The following SPOCK3 variants were observed in gnomAD, a reference collection of about 807,000 sequenced individuals.
SPOCK3 encodes the protein testican-3.
A neutral mutation model predicts 56.6 loss-of-function variants in SPOCK3; 30 were observed. The ratio of observed to expected loss-of-function variants is 0.53; its 90% CI spans 0.40 to 0.72. The LOEUF (loss-of-function observed/expected upper bound fraction) is 0.72, where lower values mean the gene tolerates loss of function less well. Ranked by LOEUF, SPOCK3 falls within the 30% of genes least tolerant of loss-of-function variation. The pLI is 0.00. For missense variants in SPOCK3, 527 were observed against 530.0 expected (o/e 0.99, Z 0.06); for synonymous variants, 196 against 183.3 (o/e 1.07, Z -0.56).
At chr4:166,735,474 TATA>T (rs1734128519) in intron 10 of SPOCK3, among the ~76,000 whole-genome samples, 1 of 152,080 alleles carries the variant, frequency 6.6e-6, no homozygotes, top group Non-Finnish European at 1.5e-5. Context: ...CTCCAGAATC[TATA>T]ATGTTACCTT....
intron 2 of SPOCK3, among the ~76,000 whole-genome samples, chr4:167,192,970 ATAATCTTCT>A (rs1246352006): frequency 6.8e-6 from 1 of 146,058 alleles, no homozygotes; most frequent in Non-Finnish European, 1.5e-5. Flanking sequence ...GACACTTGAA[ATAATCTTCT>A]TAAATTTGTC....
In SPOCK3 at chr4:167,176,629, TGGG is replaced by T. The variant is rs1163349038; in HGVS notation, c.189+57353_189+57355del. Among the ~76,000 whole-genome samples, 146 of 152,246 alleles carry T rather than the reference TGGG, an allele frequency of 9.6e-4. 1 individual carries two copies. The highest frequency in any genetic ancestry group is 3.3e-3 in the African/African-American group (138 of 41,552). On this transcript the variant is annotated intron_variant, in intron 2 of 10. Transcript: ENST00000357545. Reference sequence around the variant, plus strand: ...AAGTGCTTCCATCTCTTTCAGTTCTTGGGTATCAATTCGCTATATCCCATTCAG... The same window carrying T: ...AAGTGCTTCCATCTCTTTCAGTTCTTTATCAATTCGCTATATCCCATTCAG...
chr4:166,774,561 C>G (rs1398146994), intron 7 of SPOCK3, among the ~76,000 whole-genome samples: 1 of 152,186 alleles, frequency 6.6e-6, no homozygotes, highest in African/African-American at 2.4e-5. Flanking sequence ...CTGTGGCATT[C>G]AAATCTGATC....
At chr4:166,858,263 C>T (rs1730891065) in intron 6 of SPOCK3, among the ~76,000 whole-genome samples, 1 of 152,178 alleles carries the variant, frequency 6.6e-6, no homozygotes, top group African/African-American at 2.4e-5. Flanking sequence ...TCCCTATTTT[C>T]CCAAACTCCT....
intron 2 of SPOCK3, 149 bp from the exon 3 acceptor site, chr4:167,062,686 AT>A: frequency 1.7e-6 from 1 of 591,844 alleles, no homozygotes. Flanking sequence ...AAATAAATAA[AT>A]AAAAATAAAA....
intron 7 of SPOCK3, among the ~76,000 whole-genome samples, chr4:166,787,227 G>C (rs954798081): frequency 6.6e-6 from 1 of 152,118 alleles, no homozygotes; most frequent in East Asian, 1.9e-4. Flanking sequence ...TGGAGATAAA[G>C]ATTCATCAAA....
intron 4 of SPOCK3, among the ~76,000 whole-genome samples, chr4:166,915,862 T>C (rs1203302114): frequency 6.6e-6 from 1 of 152,166 alleles, no homozygotes; most frequent in East Asian, 1.9e-4. Context: ...CAGTTAGTTA[T>C]CTGAAATTAT....
At chr4:166,856,810 A>ATC (rs70955699) in intron 6 of SPOCK3, among the ~76,000 whole-genome samples, 36 of 147,644 alleles carry the variant, frequency 2.4e-4, no homozygotes, top group African/African-American at 6.1e-4. Flanking sequence ...CTATCTATCT[A>ATC]GATATCTAGA....
intron 4 of SPOCK3, among the ~76,000 whole-genome samples, chr4:166,934,453 G>A (rs936422814): frequency 2.0e-5 from 3 of 151,880 alleles, no homozygotes; most frequent in East Asian, 1.9e-4. Flanking sequence ...AGCCGAGATC[G>A]CGCCACTGCG....
intron 2 of SPOCK3, among the ~76,000 whole-genome samples, chr4:167,158,854 T>G (rs1361703824): frequency 2.6e-5 from 4 of 152,026 alleles, no homozygotes; most frequent in Non-Finnish European, 4.4e-5. Flanking sequence ...CATCAAAATA[T>G]TTTTATTTTG....
intron 2 of SPOCK3, among the ~76,000 whole-genome samples, chr4:167,192,238 TTC>T (rs1437217941): frequency 6.8e-6 from 1 of 146,150 alleles, no homozygotes; most frequent in East Asian, 2.0e-4. Flanking sequence ...GCTTATAATT[TTC>T]TTTTATTGTA....
chr4:166,912,819 T>A, intron 4 of SPOCK3, 76 bp from the exon 5 acceptor site: 1 of 1,280,848 alleles, frequency 7.8e-7, no homozygotes, highest in East Asian at 2.7e-5. Flanking sequence ...ATTCCTCTCC[T>A]AAACTGCCAT....
intron 2 of SPOCK3, among the ~76,000 whole-genome samples, chr4:167,105,463 T>TAAAAAAAAAAAAAAAAAAAAAAAAAAAA (rs552028589): frequency 1.0e-5 from 1 of 98,690 alleles, no homozygotes; most frequent in Non-Finnish European, 2.0e-5. Flanking sequence ...ACACAAAAAT[T>TAAAAAAAAAAAAAAAAAAAAAAAAAAAA]AAAAAAAAAA....
At chr4:166,952,166 T>C (rs555373913) in intron 4 of SPOCK3, among the ~76,000 whole-genome samples, 13 of 152,268 alleles carry the variant, frequency 8.5e-5, no homozygotes, top group East Asian at 1.9e-4. Context: ...GACGACATGA[T>C]TGTGTATCTA....
chr4:167,130,067 G>C (rs1580384119), intron 2 of SPOCK3, among the ~76,000 whole-genome samples: 1 of 152,068 alleles, frequency 6.6e-6, no homozygotes. Context: ...CCAGGCTGGA[G>C]TGCAGTGGCA....
intron 2 of SPOCK3, among the ~76,000 whole-genome samples, chr4:167,120,674 C>G (rs1480372296): frequency 6.6e-6 from 1 of 151,972 alleles, no homozygotes; most frequent in African/African-American, 2.4e-5. Flanking sequence ...GCTAACTGCA[C>G]ATTTTAACAA....
chr4:166,780,072 G>A (rs1739993232), intron 7 of SPOCK3, among the ~76,000 whole-genome samples: 1 of 152,098 alleles, frequency 6.6e-6, no homozygotes, highest in Non-Finnish European at 1.5e-5. Flanking sequence ...GTTAAAAAGA[G>A]TATTGTTCAC....
chr4:166,744,718 C>T (rs1470088535), intron 8 of SPOCK3, among the ~76,000 whole-genome samples: 4 of 152,044 alleles, frequency 2.6e-5, no homozygotes, highest in African/African-American at 9.7e-5. Flanking sequence ...GAACCCATTG[C>T]AAGGCAGCTA....
chr4:166,948,973 C>G (rs537033317), intron 4 of SPOCK3, among the ~76,000 whole-genome samples: 498 of 152,234 alleles, frequency 3.3e-3, no homozygotes, highest in Non-Finnish European at 3.9e-3. Flanking sequence ...ATCACTTTCA[C>G]GTACACCAAT....
Sources: gnomAD v4.1 joint callset for allele counts (sites outside exome capture counted in the v4.1 genomes callset) on GRCh38, gnomAD v4.1.1 for gene constraint, MANE v1.5 for transcripts, NCBI Gene and HGNC (gene_info 2026-07-23, HGNC 2026-07-21) for gene names.